CCDC88C: variants seen among roughly 807,000 people sequenced by gnomAD.
CCDC88C encodes the protein protein Daple.
In CCDC88C, 131 loss-of-function variants were observed where a neutral mutation model predicts 198.8. The observed-to-expected ratio is 0.66, with a 90% CI of 0.57 to 0.76. CCDC88C has a LOEUF of 0.76. Ranked by LOEUF, CCDC88C falls within the 30% of genes least tolerant of loss-of-function variation. The pLI is 0.00. For synonymous variants in CCDC88C, 1,166 were observed against 1,114.7 expected (o/e 1.05, Z -0.92); for missense variants, 2,553 against 2,631.6 (o/e 0.97, Z 0.65).
At position 91,338,524 on chromosome 14, in the gene CCDC88C, G is replaced by A; in HGVS notation, c.856C>T (p.Gln286Ter). 1 of 1,572,324 alleles carries A rather than the reference G, an allele frequency of 6.4e-7. No individual in the cohort carries two copies. Among genetic ancestry groups the A allele is most frequent in the Non-Finnish European group, 8.6e-7 (1 of 1,159,178 alleles). The change falls in exon 9 of 30, where the codon CAG (glutamine) becomes TAG (stop). Residue 286 changes from glutamine (Q) to a stop codon, truncating the protein, a stop_gained. Transcript: ENST00000389857. LOFTEE classifies it high-confidence loss of function. The surrounding 1 kb of genome is among the most constrained non-coding windows in gnomAD (Gnocchi z 4.8). ...ACTTTCTGCAGTTCCAGCACCAGCT[G>A]GTCCACCTCATGTCTGGTGTCCACA... ...QLVDTRHEVD[Q>*]LVLELQKVKQ... is the part of the protein sequence containing the mutation.
chr14:91,416,656 C>T, intron 2 of CCDC88C, 82 bp downstream of exon 2: 2 of 1,023,290 alleles, frequency 2.0e-6, no homozygotes, highest in East Asian at 2.6e-5. Context: ...ACACACCCCG[C>T]CATGCAACCT....
rs1893182742 is a variant in CCDC88C at position 91,339,001 on chromosome 14, G to A, written c.809+277C>T. 3.6e-6 allele frequency: 2 copies of A among 551,366 alleles called. No homozygotes were observed. The highest frequency in any genetic ancestry group is 3.9e-5 in the South Asian group (2 of 51,116). The allele number at this position is 551,366 out of a possible 1,614,324, so 34.2% of individuals were successfully genotyped here. On this transcript the variant is annotated intron_variant, in intron 8 of 29. Transcript: ENST00000389857. The surrounding 1 kb of genome is among the most constrained non-coding windows in gnomAD (Gnocchi z 5.8). ...GTCGTCCCGGCCCCAAGCTGGAGCTGAGCGTGGACTGGAGGCTGCTTCTGT... is the reference window on the plus strand; with the variant it reads ...GTCGTCCCGGCCCCAAGCTGGAGCTAAGCGTGGACTGGAGGCTGCTTCTGT...
chr14:91,297,639 T>C (rs1479511714), intron 21 of CCDC88C, 148 bp from the exon 22 acceptor site: 6 of 676,064 alleles, frequency 8.9e-6, no homozygotes, highest in South Asian at 2.0e-5. Flanking sequence ...TTTTTTTTTT[T>C]CCATGCATAA....
At chr14:91,327,529 G>GA (rs35539463) in intron 10 of CCDC88C, among the ~76,000 whole-genome samples, 1 of 152,178 alleles carries the variant, frequency 6.6e-6, no homozygotes, top group Non-Finnish European at 1.5e-5. Flanking sequence ...GACCAATTCA[G>GA]AAAAAATAAG....
At chr14:91,329,851 G>A (rs1475615435) in intron 10 of CCDC88C, among the ~76,000 whole-genome samples, 1 of 152,234 alleles carries the variant, frequency 6.6e-6, no homozygotes, top group Non-Finnish European at 1.5e-5. Flanking sequence ...CTCACTGAAA[G>A]ACCCGACTGT....
At chr14:91,317,300 T>G (rs1436283028) in intron 13 of CCDC88C, among the ~76,000 whole-genome samples, 1 of 151,658 alleles carries the variant, frequency 6.6e-6, no homozygotes. Flanking sequence ...ACATTCGGGG[T>G]GAGATGAAGA....
chr14:91,335,149 A>G (rs968328461), intron 10 of CCDC88C, among the ~76,000 whole-genome samples: 11 of 152,052 alleles, frequency 7.2e-5, no homozygotes, highest in Non-Finnish European at 1.3e-4. Flanking sequence ...GACACAAACC[A>G]AACTCCTGGG....
intron 3 of CCDC88C, among the ~76,000 whole-genome samples, chr14:91,391,113 T>C (rs1885480538): frequency 6.6e-6 from 1 of 152,126 alleles, no homozygotes; most frequent in Non-Finnish European, 1.5e-5. Flanking sequence ...CACCAGAATG[T>C]TCTAGAAGCC....
chr14:91,358,623 T>C (rs775001106), intron 4 of CCDC88C, among the ~76,000 whole-genome samples: 17 of 152,388 alleles, frequency 1.1e-4, no homozygotes, highest in Admixed American at 5.2e-4. Flanking sequence ...GATTAAGTTC[T>C]GACTTTCTGT....
At chr14:91,315,322 G>C (rs1892045255) in intron 14 of CCDC88C, among the ~76,000 whole-genome samples, 1 of 152,100 alleles carries the variant, frequency 6.6e-6, no homozygotes, top group Non-Finnish European at 1.5e-5. Context: ...TGCAGATGGA[G>C]TGTTCCTGAC....
Position 91,278,100 on chromosome 14 carries a change from G to A in CCDC88C, c.4880C>T (p.Ala1627Val). ...CAAGGGGTACTCGTGGCGGCCGAGGGCGTTGCGTCCCGGTGTGCTGGCTTC... is the reference window on the plus strand; with the variant it reads ...CAAGGGGTACTCGTGGCGGCCGAGGACGTTGCGTCCCGGTGTGCTGGCTTC... ...PREASTPGRN[A>V]LGRHEYPLPR... The change falls in exon 29 of 30, where the codon GCC becomes GTC. Residue 1627 changes from alanine (A) to valine (V), a missense_variant. Transcript: ENST00000389857. 6.2e-7 allele frequency: 1 copy of A among 1,612,958 alleles called. No homozygotes were observed. Among genetic ancestry groups the A allele is most frequent in the Admixed American group, 1.7e-5 (1 of 59,928 alleles).
chr14:91,300,150 G>A (rs1891207514), intron 20 of CCDC88C, 80 bp from the exon 21 acceptor site: 5 of 1,524,190 alleles, frequency 3.3e-6, no homozygotes, highest in East Asian at 2.4e-5. Context: ...GAGGATCTGC[G>A]TGCCTCCCGT....
At chr14:91,287,281 T>TA (rs1436138741) in intron 25 of CCDC88C, among the ~76,000 whole-genome samples, 1 of 152,184 alleles carries the variant, frequency 6.6e-6, no homozygotes, top group Non-Finnish European at 1.5e-5. Context: ...CACCCTGTCT[T>TA]ACGGTGCTGA....
At chr14:91,367,820 T>C (rs949196250) in intron 3 of CCDC88C, among the ~76,000 whole-genome samples, 1 of 152,148 alleles carries the variant, frequency 6.6e-6, no homozygotes, top group Admixed American at 6.5e-5. Context: ...CAACACTCTC[T>C]GCGCTTCCCA....
intron 1 of CCDC88C, 55 bp from the exon 2 acceptor site, chr14:91,416,893 C>G (rs1279333793): frequency 7.9e-7 from 1 of 1,267,388 alleles, no homozygotes; most frequent in Non-Finnish European, 1.1e-6. Flanking sequence ...TGCGCACAAA[C>G]GGTCCAAAGC....
Position 91,417,723 on chromosome 14 carries a change from C to A in CCDC88C, c.-33G>T, listed in dbSNP as rs551927501. On this transcript the variant is annotated 5_prime_UTR_variant, in exon 1 of 30. Coordinates refer to ENST00000389857, the MANE Select transcript of CCDC88C (RefSeq NM_001080414.4). ...CTGCGCCCGCCGGCTCCGCGCCCCC[C>A]GCCCCGCGTCCCCGTTCCCCCGCGC... 3,128 of 1,477,640 alleles carry A rather than the reference C, an allele frequency of 2.1e-3. 59 individuals carry two copies. The African/African-American group carries it at 0.041, about 19-fold the overall frequency. 91.5% of individuals were successfully genotyped at this position (1,477,640 alleles called of 1,614,324 possible). A position where few individuals can be genotyped will look rare whatever the true frequency, so the allele number is the denominator to read the frequency against.
intron 4 of CCDC88C, among the ~76,000 whole-genome samples, chr14:91,354,110 T>C (rs948178121): frequency 3.3e-5 from 5 of 152,216 alleles, no homozygotes; most frequent in Non-Finnish European, 7.4e-5. Flanking sequence ...TACACCTAAA[T>C]GGCTCGTTCC....
chr14:91,324,497 T>G (rs931941003), intron 12 of CCDC88C, among the ~76,000 whole-genome samples: 1 of 152,268 alleles, frequency 6.6e-6, no homozygotes, highest in African/African-American at 2.4e-5. Context: ...TGGGTGTCAG[T>G]GCACTATAAT....
intron 2 of CCDC88C, among the ~76,000 whole-genome samples, chr14:91,412,996 A>G (rs940489565): frequency 3.3e-5 from 5 of 152,090 alleles, no homozygotes; most frequent in Non-Finnish European, 2.9e-5. Context: ...AAACTCTCCT[A>G]TTTCCCCGAG....
Sources: allele counts gnomAD v4.1 joint callset (sites outside exome capture counted in the v4.1 genomes callset), GRCh38; gene constraint gnomAD v4.1.1; non-coding constraint Gnocchi (gnomAD v3.1); transcripts MANE v1.5; gene names NCBI Gene and HGNC (gene_info 2026-07-23, HGNC 2026-07-21).